COL4A6: variants seen among roughly 807,000 people sequenced by gnomAD.
COL4A6 encodes the protein collagen alpha-6(IV) chain.
Under a neutral mutation model 126.7 loss-of-function variants are expected in COL4A6, and 59 were observed. The ratio of observed to expected loss-of-function variants is 0.47; its 90% CI spans 0.38 to 0.58. COL4A6 has a LOEUF of 0.58. COL4A6 is among the 20% of genes least tolerant of loss of function. The pLI, the probability that COL4A6 is intolerant of heterozygous loss-of-function variation, is 0.00. For missense variants in COL4A6, 1,285 were observed against 1,337.3 expected, an observed-to-expected ratio of 0.96 and a Z score of 0.61; for synonymous variants, 547 against 496.6, an observed-to-expected ratio of 1.10 and a Z score of -1.35.
intron 28 of COL4A6, among the ~76,000 whole-genome samples, chrX:108,176,251 G>A (rs1315095049): frequency 9.2e-6 from 1 of 108,258 alleles, no homozygotes; most frequent in Non-Finnish European, 1.9e-5. Context: ...CTTGAACCTG[G>A]GGGGCAGAGG....
intron 3 of COL4A6, among the ~76,000 whole-genome samples, chrX:108,260,486 T>C (rs986154636): frequency 1.8e-4 from 20 of 111,020 alleles, no homozygotes; most frequent in African/African-American, 6.5e-4. Context: ...CATGGTGTTC[T>C]TGTGATAGTG....
intron 3 of COL4A6, among the ~76,000 whole-genome samples, chrX:108,246,822 G>T (rs990868135): frequency 9.0e-6 from 1 of 110,626 alleles, no homozygotes; most frequent in Non-Finnish European, 1.9e-5. Context: ...TTTGGCTTCC[G>T]CAGTGAGAGG....
chrX:108,219,405 A>G (rs769382347), intron 5 of COL4A6, among the ~76,000 whole-genome samples: 1 of 111,587 alleles, frequency 9.0e-6, no homozygotes, highest in Non-Finnish European at 1.9e-5. Flanking sequence ...CCAGTTCCTC[A>G]TCTCCAATCA....
Position 108,180,823 on chromosome X carries a change from G to A in COL4A6, c.2023+74C>T, listed in dbSNP as rs987412632. ...GAATGTGGATCCCCAAATACTACTG[G>A]GCTATCCTCTGCTTCCTTTGCCTTA... On this transcript the variant is annotated intron_variant, in intron 24 of 44. Transcript: ENST00000334504. 3 of 1,025,446 alleles carry A rather than the reference G, an allele frequency of 2.9e-6. No individual in the cohort carries two copies. In the African/African-American group the frequency reaches 5.6e-5, roughly 19 times the overall value. 84.5% of individuals were successfully genotyped at this position (1,025,446 alleles called of 1,213,427 possible).
At position 108,201,284 on chromosome X, in the gene COL4A6, AC is replaced by A. The variant is rs776306941; in HGVS notation, c.834+1643del. ...GTCATCTTTGATTCATCCATTTCCC[AC>A]CTGATCCCTATTCCCAATCCATGAA... On this transcript the variant is annotated intron_variant, in intron 13 of 44. Transcript: ENST00000334504. 4.5e-5 allele frequency among the ~76,000 whole-genome samples: 5 copies of A among 111,557 alleles called. No individual in the cohort carries two copies. The East Asian group carries it at 1.4e-3, about 31-fold the overall frequency.
intron 2 of COL4A6, among the ~76,000 whole-genome samples, chrX:108,417,681 A>AAT (rs1203633273): frequency 8.9e-6 from 1 of 112,193 alleles, no homozygotes; most frequent in Non-Finnish European, 1.9e-5. Flanking sequence ...AATTAAGACA[A>AAT]ATATATAGAG....
intron 2 of COL4A6, chrX:108,383,939 C>T: frequency 2.2e-6 from 2 of 899,001 alleles, no homozygotes; most frequent in Non-Finnish European, 3.0e-6. Flanking sequence ...CTATTCTGGC[C>T]CAAACTGGGG....
chrX:108,386,276 A>G lies in COL4A6; in HGVS notation c.63+51666T>C, dbSNP rs756003511. Among the ~76,000 whole-genome samples the G allele has an allele frequency of 2.7e-5, 3 of 111,949 alleles. No individual in the cohort carries two copies. The South Asian group carries it at 1.1e-3, about 42-fold the overall frequency. ...GGTCAAATGGTATTTCTAGTTCTAG[A>G]TCCCTGAGGAATAGCCACACTGTCT... On this transcript the variant is annotated intron_variant, in intron 2 of 44. Coordinates refer to ENST00000334504, the MANE Select transcript of COL4A6 (RefSeq NM_033641.4).
chrX:108,426,333 G>C (rs1369458849), intron 2 of COL4A6, among the ~76,000 whole-genome samples: 1 of 111,976 alleles, frequency 8.9e-6, no homozygotes, highest in Non-Finnish European at 1.9e-5. Flanking sequence ...GGAAAGCTTG[G>C]TCTCTCTGAG....
At chrX:108,219,998 C>T (rs1299992551) in intron 4 of COL4A6, among the ~76,000 whole-genome samples, 2 of 110,877 alleles carry the variant, frequency 1.8e-5, no homozygotes, top group Non-Finnish European at 3.8e-5. Context: ...TTAAGGCTTA[C>T]TATTACCTGC....
At chrX:108,224,778 T>C (rs927822265) in intron 3 of COL4A6, among the ~76,000 whole-genome samples, 2 of 111,909 alleles carry the variant, frequency 1.8e-5, no homozygotes, top group African/African-American at 6.5e-5. Context: ...TTCTGCCTCA[T>C]TACCCATACA....
chrX:108,161,218 A>T (rs2033920999), intron 42 of COL4A6, among the ~76,000 whole-genome samples: 1 of 111,495 alleles, frequency 9.0e-6, no homozygotes, highest in Non-Finnish European at 1.9e-5. Context: ...ACACAAATAG[A>T]AGAGGTATAT....
chrX:108,241,549 A>G (rs1569375411), intron 3 of COL4A6, among the ~76,000 whole-genome samples: 1 of 95,840 alleles, frequency 1.0e-5, no homozygotes, highest in Non-Finnish European at 2.0e-5. Context: ...ATATAATAGT[A>G]AATATATATA....
At chrX:108,206,737 G>C (rs753758968) in intron 8 of COL4A6, 157 bp from the exon 9 acceptor site, 4 of 543,788 alleles carry the variant, frequency 7.4e-6, no homozygotes, top group Non-Finnish European at 1.3e-5. Flanking sequence ...ATGATACAAG[G>C]ATAAACTCTG....
At position 108,161,599 on chromosome X, in the gene COL4A6, C is replaced by CAAA; in HGVS notation, c.4333+19_4333+20insTTT. On this transcript the variant is annotated intron_variant, in intron 42 of 44. Transcript: ENST00000334504. ...CCACCATCCCCGCCCCGCCCGCCTC[C>CAAA]TAATGTGGCATCATCAGACCTTCAA... 1 of 887,948 alleles carries CAAA rather than the reference C, an allele frequency of 1.1e-6. No individual in the cohort carries two copies. The highest frequency in any genetic ancestry group is 1.6e-6 in the Non-Finnish European group (1 of 642,131). 73.2% of individuals were successfully genotyped at this position (887,948 alleles called of 1,213,427 possible).
chrX:108,349,366 C>T (rs926836777), intron 2 of COL4A6, among the ~76,000 whole-genome samples: 2 of 111,472 alleles, frequency 1.8e-5, no homozygotes, highest in Non-Finnish European at 3.8e-5. Context: ...CCCTTCTCAA[C>T]AGGGACAGCT....
intron 3 of COL4A6, among the ~76,000 whole-genome samples, chrX:108,227,948 A>G (rs772192539): frequency 8.9e-6 from 1 of 112,040 alleles, no homozygotes; most frequent in Non-Finnish European, 1.9e-5. Context: ...ATAGAGTGCA[A>G]TCAGGAAACA....
intron 3 of COL4A6, among the ~76,000 whole-genome samples, chrX:108,255,004 G>T (rs1024535282): frequency 1.8e-5 from 2 of 108,536 alleles, no homozygotes; most frequent in Non-Finnish European, 3.8e-5. Context: ...GGAAAATGGT[G>T]CCTCAGGGAA....
chrX:108,431,899 C>T (rs947162159), intron 2 of COL4A6, among the ~76,000 whole-genome samples: 5 of 112,009 alleles, frequency 4.5e-5, no homozygotes, highest in South Asian at 3.7e-4. Context: ...ATTCCATGAA[C>T]GTGTATTATC....
Sources: allele counts gnomAD v4.1 joint callset (sites outside exome capture counted in the v4.1 genomes callset), GRCh38; gene constraint gnomAD v4.1.1; transcripts MANE v1.5; gene names NCBI Gene and HGNC (gene_info 2026-07-23, HGNC 2026-07-21).